ADAMTS6: variants seen among roughly 807,000 people sequenced by gnomAD.
The protein encoded by ADAMTS6 is ADAM metallopeptidase with thrombospondin type 1 motif 6.
Under a neutral mutation model 144.3 loss-of-function variants are expected in ADAMTS6, and 23 were observed. The observed-to-expected ratio is 0.16, with a 90% CI of 0.11 to 0.23. The LOEUF is 0.23. ADAMTS6 is among the 10% of genes least tolerant of loss of function. The pLI is 1.00. For synonymous variants in ADAMTS6, 444 were observed against 457.5 expected (o/e 0.97, Z 0.38); for missense variants, 999 against 1,379.6 (o/e 0.72, Z 4.37).
chr5:65,233,869 A>T (rs1215103010), intron 15 of ADAMTS6, among the ~76,000 whole-genome samples: 2 of 152,120 alleles, frequency 1.3e-5, no homozygotes, highest in Non-Finnish European at 1.5e-5. Flanking sequence ...ACACTTCCTG[A>T]TTTTGAACTA....
intron 15 of ADAMTS6, among the ~76,000 whole-genome samples, chr5:65,235,169 T>G (rs1018834820): frequency 6.6e-6 from 1 of 152,178 alleles, no homozygotes; most frequent in Non-Finnish European, 1.5e-5. Context: ...GAATAATGTA[T>G]AGTATACTTT....
intron 7 of ADAMTS6, among the ~76,000 whole-genome samples, chr5:65,378,881 A>G (rs550797569): frequency 5.3e-4 from 80 of 152,352 alleles, no homozygotes; most frequent in African/African-American, 1.8e-3. Context: ...AGAAAAGAGA[A>G]CATAGTAATA....
At chr5:65,379,011 T>C (rs1275210389) in intron 7 of ADAMTS6, among the ~76,000 whole-genome samples, 1 of 152,188 alleles carries the variant, frequency 6.6e-6, no homozygotes, top group Non-Finnish European at 1.5e-5. Context: ...CTGTTTTTAA[T>C]AACATTTTTT....
At chr5:65,394,372 C>G (rs1753171556) in intron 7 of ADAMTS6, among the ~76,000 whole-genome samples, 1 of 152,202 alleles carries the variant, frequency 6.6e-6, no homozygotes, top group African/African-American at 2.4e-5. Context: ...AGTCTAACTA[C>G]AACTGCATTA....
intron 7 of ADAMTS6, among the ~76,000 whole-genome samples, chr5:65,370,387 TCAGA>T (rs1325940715): frequency 4.6e-5 from 7 of 152,118 alleles, no homozygotes; most frequent in Admixed American, 2.0e-4. Context: ...CTAGGGAGTG[TCAGA>T]CAGCGCGCGC....
At chr5:65,408,465 T>C (rs916335807) in intron 7 of ADAMTS6, among the ~76,000 whole-genome samples, 6 of 152,158 alleles carry the variant, frequency 3.9e-5, no homozygotes, top group Non-Finnish European at 8.8e-5. Context: ...TAAATATATA[T>C]GCACCCAATA....
At chr5:65,362,187 T>A (rs527295815) in intron 7 of ADAMTS6, among the ~76,000 whole-genome samples, 65 of 152,332 alleles carry the variant, frequency 4.3e-4, no homozygotes, top group African/African-American at 1.5e-3. Flanking sequence ...GATTATAAAA[T>A]GAGGCTGTGG....
intron 21 of ADAMTS6, among the ~76,000 whole-genome samples, chr5:65,196,013 G>A (rs999654466): frequency 4.6e-5 from 7 of 152,168 alleles, no homozygotes; most frequent in Admixed American, 6.5e-5. Flanking sequence ...CTCATTGAGA[G>A]CAGGTCTCAT....
Position 65,192,898 on chromosome 5 carries a change from C to T in ADAMTS6, c.2705+4124G>A, listed in dbSNP as rs562070033. On this transcript the variant is annotated intron_variant, in intron 21 of 24. Transcript: ENST00000381055. ...TCCTCCGTCATTTTCTCTATAAGGA[C>T]AAATCTTACTGTTCTCCCTTTTTGT... is the stretch of plus-strand genomic sequence containing the variant. 1.1e-4 allele frequency among the ~76,000 whole-genome samples: 16 copies of T among 151,994 alleles called. No individual in the cohort carries two copies. The East Asian group carries it at 3.1e-3, about 29-fold the overall frequency.
intron 7 of ADAMTS6, among the ~76,000 whole-genome samples, chr5:65,388,946 G>A (rs557948119): frequency 1.3e-5 from 2 of 152,156 alleles, no homozygotes; most frequent in South Asian, 2.1e-4. Flanking sequence ...AGTGGCTCAA[G>A]CCTGTAATCC....
chr5:65,208,775 T>C (rs1580060603), intron 20 of ADAMTS6, among the ~76,000 whole-genome samples: 1 of 152,186 alleles, frequency 6.6e-6, no homozygotes, highest in African/African-American at 2.4e-5. Flanking sequence ...AAAAGATTAG[T>C]GATACTATGG....
At chr5:65,466,743 T>C (rs1415147914) in intron 3 of ADAMTS6, among the ~76,000 whole-genome samples, 1 of 152,180 alleles carries the variant, frequency 6.6e-6, no homozygotes, top group Non-Finnish European at 1.5e-5. Flanking sequence ...TCAGTCTTCA[T>C]GAAATAAGAA....
At position 65,245,186 on chromosome 5, in the gene ADAMTS6, C is replaced by T. The variant is rs548740914; in HGVS notation, c.1831-2980G>A. ...TACGCAGGTGTCCTTACACTCATTC[C>T]TTACTCTTCTACTCTGCTCTATATT... On this transcript the variant is annotated intron_variant, in intron 14 of 24. Transcript: ENST00000381055. 2.6e-5 allele frequency among the ~76,000 whole-genome samples: 4 copies of T among 152,234 alleles called. No individual in the cohort carries two copies. The East Asian group carries it at 5.8e-4, about 22-fold the overall frequency.
At chr5:65,216,965 G>A (rs1446911979) in intron 18 of ADAMTS6, among the ~76,000 whole-genome samples, 2 of 152,128 alleles carry the variant, frequency 1.3e-5, no homozygotes, top group African/African-American at 2.4e-5. Context: ...TGATAAACAA[G>A]TAGCCCAAAA....
intron 24 of ADAMTS6, among the ~76,000 whole-genome samples, chr5:65,160,431 C>T (rs1056754454): frequency 3.3e-5 from 5 of 151,944 alleles, no homozygotes; most frequent in South Asian, 2.1e-4. Flanking sequence ...CTCAGCCTCC[C>T]GAGTAGCTGG....
At position 65,300,088 on chromosome 5, in the gene ADAMTS6, T is replaced by C. The variant is rs1289587188; in HGVS notation, c.1267A>G (p.Lys423Glu). The change falls in exon 10 of 25, where the codon AAA (lysine) becomes GAA (glutamate). Residue 423 changes from lysine (K) to glutamate (E), a missense_variant. Coordinates refer to ENST00000381055, the MANE Select transcript of ADAMTS6 (RefSeq NM_197941.4). The stretch of plus-strand genomic sequence containing the variant: ...ATAAGTTTTGCTGCTTCATGACCTT[T>C]CGTCCCACAAGAATTTCCAATTCCA... ...HDGIGNSCGT[K>E]GHEAAKLMAA... The C allele has an allele frequency of 6.2e-7, 1 of 1,614,134 alleles. No homozygotes were observed. The highest frequency in any genetic ancestry group is 1.1e-5 in the South Asian group (1 of 91,080).
chr5:65,403,064 C>T (rs866234387), intron 7 of ADAMTS6, among the ~76,000 whole-genome samples: 2 of 151,978 alleles, frequency 1.3e-5, no homozygotes, highest in Admixed American at 6.6e-5. Context: ...CCTCCTAATA[C>T]AATAATGAAT....
intron 7 of ADAMTS6, among the ~76,000 whole-genome samples, chr5:65,448,690 T>C (rs1023491834): frequency 6.6e-6 from 1 of 152,060 alleles, no homozygotes; most frequent in East Asian, 1.9e-4. Context: ...CCTGACCTCA[T>C]GATCCGCCCT....
chr5:65,442,001 T>C (rs754373703), intron 7 of ADAMTS6, among the ~76,000 whole-genome samples: 14 of 150,856 alleles, frequency 9.3e-5, no homozygotes, highest in Non-Finnish European at 2.1e-4. Flanking sequence ...CTCAAATTAA[T>C]GACACAACTT....
Sources: gnomAD v4.1 joint callset for allele counts (sites outside exome capture counted in the v4.1 genomes callset) on GRCh38, gnomAD v4.1.1 for gene constraint, MANE v1.5 for transcripts, NCBI Gene and HGNC (gene_info 2026-07-23, HGNC 2026-07-21) for gene names.